The following LRMDA variants were observed in gnomAD, a reference collection of about 807,000 sequenced individuals.
The protein encoded by LRMDA is leucine rich melanocyte differentiation associated.
A neutral mutation model predicts 29.8 loss-of-function variants in LRMDA; 18 were observed. That is an observed-to-expected ratio of 0.60 (90% CI 0.42 to 0.90). The LOEUF is 0.90. LRMDA is among the 40% of genes least tolerant of loss of function. LRMDA has a pLI of 0.00. For missense variants in LRMDA, 273 were observed against 273.9 expected, an observed-to-expected ratio of 1.00 and a Z score of 0.02; for synonymous variants, 125 against 109.4, an observed-to-expected ratio of 1.14 and a Z score of -0.89.
intron 2 of LRMDA, among the ~76,000 whole-genome samples, chr10:75,545,326 G>T (rs939018358): frequency 6.6e-6 from 1 of 152,104 alleles, no homozygotes; most frequent in Non-Finnish European, 1.5e-5. Context: ...GAGCTGGTCT[G>T]GGGGGTTGGG....
chr10:75,978,374 C>T (rs952807328), intron 2 of LRMDA, among the ~76,000 whole-genome samples: 6 of 152,148 alleles, frequency 3.9e-5, no homozygotes, highest in African/African-American at 1.2e-4. Context: ...TCATTCTGTG[C>T]GCATTCCTCC....
intron 5 of LRMDA, among the ~76,000 whole-genome samples, chr10:76,159,598 T>C (rs1364523195): frequency 6.6e-6 from 1 of 152,198 alleles, no homozygotes; most frequent in Non-Finnish European, 1.5e-5. Flanking sequence ...TTATGGCAAC[T>C]TTATTCATAA....
At chr10:75,909,702 C>T (rs952755215) in intron 2 of LRMDA, among the ~76,000 whole-genome samples, 3 of 152,122 alleles carry the variant, frequency 2.0e-5, no homozygotes, top group African/African-American at 7.2e-5. Flanking sequence ...ATATGTAAAA[C>T]AGCGATAATA....
At chr10:76,435,034 G>A (rs1193725296) in intron 6 of LRMDA, among the ~76,000 whole-genome samples, 1 of 151,948 alleles carries the variant, frequency 6.6e-6, no homozygotes, top group Non-Finnish European at 1.5e-5. Context: ...CTCCCACCCT[G>A]CCACGTTTCT....
intron 5 of LRMDA, among the ~76,000 whole-genome samples, chr10:76,184,275 C>T (rs766869420): frequency 1.3e-5 from 2 of 151,770 alleles, no homozygotes; most frequent in Admixed American, 6.6e-5. Context: ...AAGTGAGATG[C>T]CCTCCTCAGC....
chr10:76,184,364 C>G (rs1013111304), intron 5 of LRMDA, among the ~76,000 whole-genome samples: 2 of 152,062 alleles, frequency 1.3e-5, no homozygotes, highest in African/African-American at 4.8e-5. Context: ...TATGTCTATT[C>G]TCCTTAAGAC....
chr10:76,378,527 G>A (rs1841548672), intron 6 of LRMDA, among the ~76,000 whole-genome samples: 1 of 152,078 alleles, frequency 6.6e-6, no homozygotes, highest in African/African-American at 2.4e-5. Flanking sequence ...TGTTGTATAT[G>A]TCTTTTATTA....
At chr10:76,243,306 C>A (rs991343726) in intron 5 of LRMDA, among the ~76,000 whole-genome samples, 2 of 152,146 alleles carry the variant, frequency 1.3e-5, no homozygotes, top group African/African-American at 2.4e-5. Context: ...TCCCTGTACT[C>A]ATGGGTCTGG....
intron 2 of LRMDA, among the ~76,000 whole-genome samples, chr10:76,006,408 C>T (rs144292381): frequency 2.6e-5 from 4 of 152,274 alleles, no homozygotes; most frequent in Admixed American, 6.5e-5. Flanking sequence ...ATGTGAAGAC[C>T]GGCTGGCTAG....
At chr10:75,888,501 T>C (rs1287245017) in intron 2 of LRMDA, among the ~76,000 whole-genome samples, 1 of 152,202 alleles carries the variant, frequency 6.6e-6, no homozygotes, top group African/African-American at 2.4e-5. Flanking sequence ...TTTCCTAGCT[T>C]AAAACAGCCT....
intron 2 of LRMDA, among the ~76,000 whole-genome samples, chr10:75,959,568 T>A (rs1480276460): frequency 6.6e-6 from 1 of 151,618 alleles, no homozygotes; most frequent in East Asian, 1.9e-4. Flanking sequence ...TCAAGGGGGG[T>A]TTGCTGCCAC....
rs1191987316 is a variant in LRMDA at position 75,959,855 on chromosome 10, G to C, written c.132-76153G>C. ...TATGAGCATTTCATTTGTTACATGT[G>C]CAATTTAAAAACATTTGGTGCTTCT... On this transcript the variant is annotated intron_variant, in intron 2 of 6. Transcript: ENST00000611255. Among the ~76,000 whole-genome samples the C allele has an allele frequency of 2.0e-5, 3 of 152,202 alleles. No homozygotes were observed. In the South Asian group the frequency reaches 6.2e-4, roughly 32 times the overall value.
intron 6 of LRMDA, among the ~76,000 whole-genome samples, chr10:76,385,595 A>T (rs1368650316): frequency 1.3e-5 from 2 of 152,172 alleles, no homozygotes; most frequent in East Asian, 3.9e-4. Context: ...CTTTACTAAC[A>T]TGCCATCTTG....
At chr10:75,666,535 T>C (rs1841824931) in intron 2 of LRMDA, among the ~76,000 whole-genome samples, 1 of 152,196 alleles carries the variant, frequency 6.6e-6, no homozygotes. Context: ...CCTTGTACTA[T>C]TGCTTTCTTA....
intron 5 of LRMDA, among the ~76,000 whole-genome samples, chr10:76,208,378 C>T (rs889239360): frequency 6.6e-6 from 1 of 152,150 alleles, no homozygotes; most frequent in Non-Finnish European, 1.5e-5. Flanking sequence ...TTTAAAGAAA[C>T]CCTAAACTGG....
intron 2 of LRMDA, among the ~76,000 whole-genome samples, chr10:76,022,166 C>T (rs191482700): frequency 5.9e-5 from 9 of 152,248 alleles, no homozygotes; most frequent in Admixed American, 3.9e-4. Context: ...TAACAGTGGT[C>T]GTCTGTTTAT....
chr10:76,479,819 T>C (rs1842718123), intron 6 of LRMDA, among the ~76,000 whole-genome samples: 1 of 151,918 alleles, frequency 6.6e-6, no homozygotes, highest in South Asian at 2.1e-4. Flanking sequence ...ATACCCTATA[T>C]GAGCCTTATA....
intron 2 of LRMDA, among the ~76,000 whole-genome samples, chr10:75,694,908 TAAG>T (rs1376648336): frequency 6.6e-6 from 1 of 152,210 alleles, no homozygotes; most frequent in Non-Finnish European, 1.5e-5. Flanking sequence ...CTTGACATAA[TAAG>T]AAGTTATTAC....
chr10:75,918,457 G>A (rs550135284), intron 2 of LRMDA, among the ~76,000 whole-genome samples: 1 of 152,088 alleles, frequency 6.6e-6, no homozygotes, highest in South Asian at 2.1e-4. Context: ...CGAGAGAGAG[G>A]AGCAGGAGGT....
Sources: gnomAD v4.1 joint callset for allele counts (sites outside exome capture counted in the v4.1 genomes callset) on GRCh38, gnomAD v4.1.1 for gene constraint, MANE v1.5 for transcripts, NCBI Gene and HGNC (gene_info 2026-07-23, HGNC 2026-07-21) for gene names.